SEC24D: variants seen among roughly 807,000 people sequenced by gnomAD.
SEC24D encodes SEC24 homolog D, COPII component.
Under a neutral mutation model 116.9 loss-of-function variants are expected in SEC24D, and 69 were observed. The observed-to-expected ratio is 0.59, with a 90% CI of 0.49 to 0.72. The LOEUF is 0.72. Ranked by LOEUF, SEC24D falls within the 30% of genes least tolerant of loss-of-function variation. The pLI, the probability that SEC24D is intolerant of heterozygous loss-of-function variation, is 0.00. For synonymous variants in SEC24D, 405 were observed against 442.8 expected (o/e 0.91, Z 1.07); for missense variants, 1,131 against 1,264.1 (o/e 0.89, Z 1.60).
At chr4:118,780,644 C>G (rs1305213191) in intron 8 of SEC24D, among the ~76,000 whole-genome samples, 1 of 152,098 alleles carries the variant, frequency 6.6e-6, no homozygotes, top group African/African-American at 2.4e-5. Flanking sequence ...GAGTTCAAGT[C>G]CTGGATATCC....
At chr4:118,728,251 T>C (rs1002744937) in intron 22 of SEC24D, among the ~76,000 whole-genome samples, 4 of 152,168 alleles carry the variant, frequency 2.6e-5, no homozygotes, top group Admixed American at 2.6e-4. Flanking sequence ...ATTAAGTAAT[T>C]TTAGGCACCA....
At chr4:118,772,712 G>C (rs1384457820) in intron 8 of SEC24D, among the ~76,000 whole-genome samples, 1 of 152,154 alleles carries the variant, frequency 6.6e-6, no homozygotes, top group Admixed American at 6.6e-5. Flanking sequence ...ATTAGCCATC[G>C]TGGTGCAAAA....
chr4:118,797,886 G>T, intron 7 of SEC24D, 76 bp from the exon 8 acceptor site: 2 of 1,229,262 alleles, frequency 1.6e-6, no homozygotes, highest in Non-Finnish European at 1.1e-6. Context: ...TATTTATAAA[G>T]GTACTTCTAG....
At chr4:118,794,605 C>T (rs534176657) in intron 8 of SEC24D, among the ~76,000 whole-genome samples, 1 of 152,182 alleles carries the variant, frequency 6.6e-6, no homozygotes, top group African/African-American at 2.4e-5. Context: ...AATAAAAGAT[C>T]TCTTTGATAA....
At chr4:118,735,709 A>G (rs1254790542) in intron 19 of SEC24D, 3 of 134,162 alleles carry the variant, frequency 2.2e-5, no homozygotes, top group Admixed American at 1.5e-4. Flanking sequence ...TTTTTTTTTT[A>G]AAGATACAGG....
rs569782353 is a variant in SEC24D at position 118,793,243 on chromosome 4, G to A, written c.1041+4440C>T. Among the ~76,000 whole-genome samples, 5 of 151,890 alleles carry A rather than the reference G, an allele frequency of 3.3e-5. No individual in the cohort carries two copies. The South Asian group carries it at 8.3e-4, about 25-fold the overall frequency. On this transcript the variant is annotated intron_variant, in intron 8 of 22. Coordinates refer to ENST00000280551, the MANE Select transcript of SEC24D (RefSeq NM_014822.4). ...AGCACTTTGGGAGGCCGAGGCGGGCGGATCACGAGGTCAGGAGATAGAGAC... is the reference window on the plus strand; with the variant it reads ...AGCACTTTGGGAGGCCGAGGCGGGCAGATCACGAGGTCAGGAGATAGAGAC...
At chr4:118,819,403 C>T (rs1228652054) in intron 3 of SEC24D, among the ~76,000 whole-genome samples, 6 of 151,414 alleles carry the variant, frequency 4.0e-5, no homozygotes, top group Non-Finnish European at 8.8e-5. Flanking sequence ...TGGTGGTGGG[C>T]GCCTGTAGTC....
Position 118,805,784 on chromosome 4 carries a change from C to A in SEC24D, c.913+59G>T, listed in dbSNP as rs973731464. On this transcript the variant is annotated intron_variant, in intron 7 of 22. Coordinates refer to ENST00000280551, the MANE Select transcript of SEC24D (RefSeq NM_014822.4). ...TTATTGAAGGGTGTCAGTGTATTTG[C>A]TTTAAAAACGGTGAGAAATTTTAAA... The A allele has an allele frequency of 1.5e-5, 15 of 1,033,208 alleles. No individual in the cohort carries two copies. The African/African-American group carries it at 2.3e-4, about 16-fold the overall frequency. 64.0% of individuals were successfully genotyped at this position (1,033,208 alleles called of 1,614,324 possible). A position where few individuals can be genotyped will look rare whatever the true frequency, so the allele number is the denominator to read the frequency against.
chr4:118,740,740 T>C lies in SEC24D; in HGVS notation c.2161A>G (p.Ile721Val). 1 of 1,613,976 alleles carries C rather than the reference T, an allele frequency of 6.2e-7. No individual in the cohort carries two copies. Among genetic ancestry groups the C allele is most frequent in the Non-Finnish European group, 8.5e-7 (1 of 1,179,892 alleles). Residue 721 changes from isoleucine (I) to valine (V), a missense_variant, in exon 17 of 23, where the codon ATC becomes GTC. Ile to Val is a conservative substitution (Grantham distance 29, BLOSUM62 3). Transcript: ENST00000280551. ...ACGGTCACTGCCTTGTCACAATCGA[T>C]GGCAGCCATTTCTACATCGGTGGTG... ...NNTTDVEMAAIDCDKAVTVEF... is the reference protein window; with the variant it reads ...NNTTDVEMAAVDCDKAVTVEF...
rs540974130 is a variant in SEC24D, at chr4:118,758,232, TA to T, written c.1297-388del. On this transcript the variant is annotated intron_variant, in intron 10 of 22. Coordinates refer to ENST00000280551, the MANE Select transcript of SEC24D (RefSeq NM_014822.4). ...TGTTTGGCACACTAAAAAATTATGCTAAAAAAGAATACATATAATAGTGTTT... is the reference window on the plus strand; with the variant it reads ...TGTTTGGCACACTAAAAAATTATGCTAAAAAGAATACATATAATAGTGTTT... Among the ~76,000 whole-genome samples the T allele has an allele frequency of 2.0e-5, 3 of 152,248 alleles. No individual in the cohort carries two copies. In the South Asian group the frequency reaches 6.2e-4, roughly 32 times the overall value.
At chr4:118,821,800 C>T (rs577617769) in intron 3 of SEC24D, among the ~76,000 whole-genome samples, 220 of 152,332 alleles carry the variant, frequency 1.4e-3, no homozygotes, top group African/African-American at 4.7e-3. Flanking sequence ...CCTTGCATTG[C>T]GCTACATTCA....
intron 15 of SEC24D, among the ~76,000 whole-genome samples, chr4:118,743,320 C>T (rs918673478): frequency 5.0e-4 from 75 of 150,914 alleles, no homozygotes; most frequent in African/African-American, 1.6e-3. Flanking sequence ...ATGGAATTGC[C>T]GAACCATAAA....
intron 7 of SEC24D, among the ~76,000 whole-genome samples, chr4:118,802,734 A>C (rs1175718827): frequency 6.6e-6 from 1 of 152,190 alleles, no homozygotes; most frequent in African/African-American, 2.4e-5. Flanking sequence ...TTTCACTTTT[A>C]GGTACAGTAT....
At chr4:118,778,178 G>A (rs940252837) in intron 8 of SEC24D, among the ~76,000 whole-genome samples, 2 of 152,164 alleles carry the variant, frequency 1.3e-5, no homozygotes, top group East Asian at 1.9e-4. Context: ...TGAAGTCCTT[G>A]CCCATGCCTA....
At chr4:118,812,531 G>A (rs1240816304) in intron 6 of SEC24D, among the ~76,000 whole-genome samples, 1 of 152,150 alleles carries the variant, frequency 6.6e-6, no homozygotes. Flanking sequence ...GCTGGACAGC[G>A]AGAGGACGTG....
chr4:118,723,817 AGG>A (rs1204978287), intron 22 of SEC24D, among the ~76,000 whole-genome samples, 162 bp from the exon 23 acceptor site: 1 of 152,208 alleles, frequency 6.6e-6, no homozygotes, highest in Non-Finnish European at 1.5e-5. Flanking sequence ...GAGTGGAAAG[AGG>A]CATGGACCCC....
rs1729036888 is a variant in SEC24D, at chr4:118,793,481, A to AG, written c.1041+4201_1041+4202insC. ...GACTCCGTCTCAAAAAAAAAAAAAA[A>AG]AAAAAAAAAAAGAAGGCCCAAACAC... On this transcript the variant is annotated intron_variant, in intron 8 of 22. Coordinates refer to ENST00000280551, the MANE Select transcript of SEC24D (RefSeq NM_014822.4). Among the ~76,000 whole-genome samples the AG allele has an allele frequency of 1.2e-4, 18 of 151,166 alleles. No individual in the cohort carries two copies. The South Asian group carries it at 3.7e-3, about 31-fold the overall frequency.
chr4:118,788,161 T>G (rs988160470), intron 8 of SEC24D, among the ~76,000 whole-genome samples: 3 of 152,188 alleles, frequency 2.0e-5, no homozygotes, highest in African/African-American at 4.8e-5. Context: ...ACTCCAGACT[T>G]AAACTGAAAG....
intron 4 of SEC24D, 43 bp from the exon 5 acceptor site, chr4:118,815,769 T>C (rs1730119995): frequency 6.2e-7 from 1 of 1,601,544 alleles, no homozygotes; most frequent in Admixed American, 1.7e-5. Flanking sequence ...ACCACATTTC[T>C]CAACTCTCTG....
Sources: allele counts gnomAD v4.1 joint callset (sites outside exome capture counted in the v4.1 genomes callset), GRCh38; gene constraint gnomAD v4.1.1; transcripts MANE v1.5; gene names NCBI Gene and HGNC (gene_info 2026-07-23, HGNC 2026-07-21).